Variants in MMRN1 observed in about 807,000 individuals in gnomAD.
MMRN1 encodes the protein multimerin 1.
In MMRN1, 94 loss-of-function variants were observed where a neutral mutation model predicts 100.7. That is an observed-to-expected ratio of 0.93 (90% confidence interval 0.79 to 1.11). MMRN1 has a LOEUF of 1.11. MMRN1 is among the 50% of genes least tolerant of loss of function. MMRN1 has a pLI of 0.00. For missense variants in MMRN1, 1,606 were observed against 1,439.1 expected, an observed-to-expected ratio of 1.12 and a Z score of -1.88; for synonymous variants, 575 against 505.0, an observed-to-expected ratio of 1.14 and a Z score of -1.86.
intron 5 of MMRN1, among the ~76,000 whole-genome samples, chr4:89,932,799 G>A (rs371059928): frequency 2.6e-5 from 4 of 152,118 alleles, no homozygotes; most frequent in South Asian, 4.1e-4. Context: ...CTTCCCAGCT[G>A]GTGATGGGAG....
intron 3 of MMRN1, among the ~76,000 whole-genome samples, chr4:89,912,355 G>T (rs1721781874): frequency 6.6e-6 from 1 of 151,192 alleles, no homozygotes. Flanking sequence ...AAAATATCAG[G>T]AATGCTAATT....
At chr4:89,899,667 G>A (rs1433109677) in intron 1 of MMRN1, among the ~76,000 whole-genome samples, 1 of 152,042 alleles carries the variant, frequency 6.6e-6, no homozygotes, top group Non-Finnish European at 1.5e-5. Context: ...CCCAACCCCT[G>A]TACACATGTA....
At chr4:89,937,574 CTG>C (rs1473812134) in intron 6 of MMRN1, among the ~76,000 whole-genome samples, 1 of 152,082 alleles carries the variant, frequency 6.6e-6, no homozygotes, top group Non-Finnish European at 1.5e-5. Context: ...TAGTAAGTTT[CTG>C]TGTTAGTTAA....
At chr4:89,888,345 T>C (rs1720981833) in intron 1 of MMRN1, among the ~76,000 whole-genome samples, 1 of 151,948 alleles carries the variant, frequency 6.6e-6, no homozygotes, top group Non-Finnish European at 1.5e-5. Flanking sequence ...TTTTTTTCCT[T>C]TGAGCACTTT....
At position 89,935,608 on chromosome 4, in the gene MMRN1, C is replaced by G. The variant is rs767962245; in HGVS notation, c.1928C>G (p.Thr643Ser). Residue 643 changes from threonine to serine, a missense_variant, in exon 6 of 8, where the codon ACT (threonine) becomes AGT (serine). Coordinates refer to ENST00000264790, the MANE Select transcript of MMRN1 (RefSeq NM_007351.3). ...ATGAGTGAGCAACTAAATGATTTGA[C>G]TTATGATATGGAGATCCTTCAACCC... ...DKMSEQLNDLTYDMEILQPLL... is the reference protein window; with the variant it reads ...DKMSEQLNDLSYDMEILQPLL... 4.9e-5 allele frequency: 79 copies of G among 1,613,416 alleles called. 1 individual carries two copies. The South Asian group carries it at 8.2e-4, about 17-fold the overall frequency.
chr4:89,919,404 G>T (rs1460653006), intron 3 of MMRN1, among the ~76,000 whole-genome samples: 2 of 151,400 alleles, frequency 1.3e-5, no homozygotes, highest in African/African-American at 2.4e-5. Context: ...AACATAGTGG[G>T]TGAATGCCAT....
At chr4:89,929,711 G>T (rs183246917) in intron 5 of MMRN1, among the ~76,000 whole-genome samples, 3 of 152,160 alleles carry the variant, frequency 2.0e-5, no homozygotes, top group Non-Finnish European at 4.4e-5. Context: ...CGCAATAGGA[G>T]GAATTAATTG....
At position 89,935,832 on chromosome 4, in the gene MMRN1, A is replaced by G. The variant is rs1434776415; in HGVS notation, c.2152A>G (p.Asn718Asp). The G allele has an allele frequency of 2.5e-6, 4 of 1,613,110 alleles. No homozygotes were observed. The African/African-American group carries it at 5.3e-5, about 22-fold the overall frequency. Residue 718 changes from asparagine (N) to aspartate (D), a missense_variant, in exon 6 of 8, where the codon AAT becomes GAT. Asn to Asp is a conservative substitution (Grantham distance 23, BLOSUM62 1). Transcript: ENST00000264790. Reference protein sequence around the residue: ...GRDDALERRINEYALEMEDGL... With the variant: ...GRDDALERRIDEYALEMEDGL... ...TGATGATGCCTTAGAAAGACGTATC[A>G]ATGAATATGCCTTAGAAATGGAAGA...
intron 6 of MMRN1, among the ~76,000 whole-genome samples, chr4:89,939,458 T>C (rs1223890200): frequency 6.6e-6 from 1 of 152,168 alleles, no homozygotes; most frequent in Admixed American, 6.6e-5. Flanking sequence ...TAGTATTCAT[T>C]AACATTTACT....
intron 6 of MMRN1, among the ~76,000 whole-genome samples, chr4:89,947,577 C>A (rs1349793321): frequency 1.3e-5 from 2 of 152,046 alleles, no homozygotes; most frequent in African/African-American, 2.4e-5. Context: ...AGAAAGACAC[C>A]AAAGCAATTA....
Position 89,934,989 on chromosome 4 carries a change from A to T in MMRN1, c.1309A>T (p.Ile437Leu), listed in dbSNP as rs1722559066. 2.5e-6 allele frequency: 4 copies of T among 1,613,274 alleles called. No individual in the cohort carries two copies. The highest frequency in any genetic ancestry group is 3.4e-6 in the Non-Finnish European group (4 of 1,179,648). ...AAAAGTTAATGAATCTGTGGTTTCA[A>T]TAGCAGCCCAGCAAAAGTTTGTTTT... The part of the protein sequence containing the change: ...IQKVNESVVS[I>L]AAQQKFVLVQ... The change falls in exon 6 of 8, where the codon ATA becomes TTA. Residue 437 changes from isoleucine (I) to leucine (L), a missense_variant. Transcript: ENST00000264790.
chr4:89,950,413 C>T (rs986004396), intron 6 of MMRN1, among the ~76,000 whole-genome samples: 7 of 152,190 alleles, frequency 4.6e-5, no homozygotes, highest in African/African-American at 1.7e-4. Flanking sequence ...TAAATATCGT[C>T]ACATTGTCCT....
rs111924283 is a variant in MMRN1 at position 89,911,159 on chromosome 4, T to C, written c.744-785T>C. On this transcript the variant is annotated intron_variant, in intron 2 of 7. Transcript: ENST00000264790. ...CCATTTTACAGACCCATTTGATAAA[T>C]AGCAACTAAATATTAAAGTCACATG... Among the ~76,000 whole-genome samples the C allele has an allele frequency of 2.6e-4, 40 of 151,584 alleles. 1 individual carries two copies. The highest frequency in any genetic ancestry group is 8.9e-4 in the African/African-American group (37 of 41,482).
Position 89,940,495 on chromosome 4 carries a change from A to C in MMRN1, c.3118+3697A>C, listed in dbSNP as rs200664771. ...AAAAATGAGGACCTAGTGAATATTT[A>C]ACTGTCTTATATCACATTGAAACCA... On this transcript the variant is annotated intron_variant, in intron 6 of 7. Coordinates refer to ENST00000264790, the MANE Select transcript of MMRN1 (RefSeq NM_007351.3). Among the ~76,000 whole-genome samples, 14 of 152,254 alleles carry C rather than the reference A, an allele frequency of 9.2e-5. 1 individual carries two copies. The South Asian group carries it at 1.2e-3, about 14-fold the overall frequency.
Position 89,909,319 on chromosome 4 carries a change from A to T in MMRN1, c.667A>T (p.Ile223Leu). ...ACATACCAGGTTATCTCCCACAGTG[A>T]TATTGGACAACCAGGTCACTTATGT... The part of the protein sequence containing the change: ...YVHTRLSPTV[I>L]LDNQVTYVPG... Residue 223 changes from isoleucine (I) to leucine (L), a missense_variant, in exon 2 of 8, where the codon ATA (isoleucine) becomes TTA (leucine). By Grantham distance (5) the Ile-to-Leu change is conservative. Coordinates refer to ENST00000264790, the MANE Select transcript of MMRN1 (RefSeq NM_007351.3). 1.2e-6 allele frequency: 2 copies of T among 1,609,908 alleles called. No individual in the cohort carries two copies. Among genetic ancestry groups the T allele is most frequent in the Non-Finnish European group, 1.7e-6 (2 of 1,177,278 alleles).
At chr4:89,937,322 G>A (rs1459942713) in intron 6 of MMRN1, among the ~76,000 whole-genome samples, 1 of 152,004 alleles carries the variant, frequency 6.6e-6, no homozygotes, top group African/African-American at 2.4e-5. Flanking sequence ...CTGAAAATTG[G>A]TATCAGTGGA....
At chr4:89,932,625 A>T (rs1722478102) in intron 5 of MMRN1, among the ~76,000 whole-genome samples, 1 of 152,150 alleles carries the variant, frequency 6.6e-6, no homozygotes, top group Non-Finnish European at 1.5e-5. Flanking sequence ...TGCACCTTCA[A>T]GCCCAACACC....
At chr4:89,920,418 T>A (rs901918392) in intron 3 of MMRN1, among the ~76,000 whole-genome samples, 2 of 152,142 alleles carry the variant, frequency 1.3e-5, no homozygotes, top group Non-Finnish European at 2.9e-5. Flanking sequence ...TCTTCATATG[T>A]TTCCATGCTT....
chr4:89,932,215 C>T (rs1376857830), intron 5 of MMRN1, among the ~76,000 whole-genome samples: 1 of 152,172 alleles, frequency 6.6e-6, no homozygotes, highest in Non-Finnish European at 1.5e-5. Flanking sequence ...GAAGTGATCT[C>T]CTTTGACTCC....
Sources: gnomAD v4.1 joint callset for allele counts (sites outside exome capture counted in the v4.1 genomes callset) on GRCh38, gnomAD v4.1.1 for gene constraint, MANE v1.5 for transcripts, NCBI Gene and HGNC (gene_info 2026-07-23, HGNC 2026-07-21) for gene names.